The following NKAIN2 variants were observed in gnomAD, a reference collection of about 807,000 sequenced individuals.
The protein encoded by NKAIN2 is sodium/potassium transporting ATPase interacting 2.
A neutral mutation model predicts 32.6 loss-of-function variants in NKAIN2; 14 were observed. That is an observed-to-expected ratio of 0.43 (90% CI 0.28 to 0.67). The LOEUF (loss-of-function observed/expected upper bound fraction) is 0.67. NKAIN2 is among the 30% of genes least tolerant of loss of function. The pLI, the probability that NKAIN2 is intolerant of heterozygous loss-of-function variation, is 0.17. For missense variants in NKAIN2, 198 were observed against 258.3 expected, an observed-to-expected ratio of 0.77 and a Z score of 1.60; for synonymous variants, 80 against 87.2, an observed-to-expected ratio of 0.92 and a Z score of 0.46.
chr6:124,620,230 C>G (rs1439141723), intron 3 of NKAIN2, among the ~76,000 whole-genome samples: 1 of 152,104 alleles, frequency 6.6e-6, no homozygotes, highest in Non-Finnish European at 1.5e-5. Flanking sequence ...ACCATCTTTA[C>G]TCTTCAAATG....
intron 1 of NKAIN2, among the ~76,000 whole-genome samples, chr6:123,910,707 T>C (rs1002570273): frequency 6.6e-6 from 1 of 151,902 alleles, no homozygotes; most frequent in Admixed American, 6.6e-5. Context: ...GGTTTCATCA[T>C]GTTGGCCAGG....
chr6:124,188,031 G>A (rs568544948), intron 1 of NKAIN2, among the ~76,000 whole-genome samples: 8 of 152,118 alleles, frequency 5.3e-5, no homozygotes, highest in African/African-American at 1.4e-4. Flanking sequence ...TCTTTCCACC[G>A]TAGATCCAGT....
At chr6:124,276,555 C>G (rs1795042715) in intron 1 of NKAIN2, among the ~76,000 whole-genome samples, 2 of 151,978 alleles carry the variant, frequency 1.3e-5, no homozygotes, top group African/African-American at 4.8e-5. Context: ...TAGTATATCT[C>G]TTGCATATAA....
intron 3 of NKAIN2, among the ~76,000 whole-genome samples, chr6:124,522,062 G>C (rs990492822): frequency 1.3e-5 from 2 of 151,980 alleles, no homozygotes; most frequent in African/African-American, 4.8e-5. Flanking sequence ...TCTACTCTCT[G>C]TATTTCCCCC....
intron 2 of NKAIN2, among the ~76,000 whole-genome samples, chr6:124,296,277 T>G (rs1324612650): frequency 6.6e-6 from 1 of 152,122 alleles, no homozygotes; most frequent in Non-Finnish European, 1.5e-5. Flanking sequence ...TTGAGGTTTA[T>G]AAAGCAAGAA....
Position 123,947,977 on chromosome 6 carries a change from C to G in NKAIN2, c.54+143723C>G, listed in dbSNP as rs1343179942. ...TTATTGTCTACCTCCATGAAATCAA[C>G]TTTTTTTAGATTCCATATATGAGTG... On this transcript the variant is annotated intron_variant, in intron 1 of 6. Transcript: ENST00000368417. 2.0e-5 allele frequency among the ~76,000 whole-genome samples: 3 copies of G among 151,966 alleles called. No homozygotes were observed. The East Asian group carries it at 5.8e-4, about 29-fold the overall frequency.
chr6:123,947,087 G>C (rs1054994768), intron 1 of NKAIN2, among the ~76,000 whole-genome samples: 1 of 152,162 alleles, frequency 6.6e-6, no homozygotes, highest in Admixed American at 6.5e-5. Context: ...GTACTGTGGC[G>C]GTCACCTTTC....
chr6:124,644,302 A>G (rs1281973907), intron 3 of NKAIN2, among the ~76,000 whole-genome samples: 1 of 152,182 alleles, frequency 6.6e-6, no homozygotes, highest in African/African-American at 2.4e-5. Flanking sequence ...TTTAGATTTA[A>G]AAGTTTTATC....
chr6:124,194,138 C>T (rs1304105740), intron 1 of NKAIN2, among the ~76,000 whole-genome samples: 1 of 151,764 alleles, frequency 6.6e-6, no homozygotes, highest in Admixed American at 6.6e-5. Flanking sequence ...CCACAAGTTC[C>T]CACTCTGGTC....
intron 3 of NKAIN2, among the ~76,000 whole-genome samples, chr6:124,447,129 CTCTTTGACCACATAATCACTCA>C (rs1235353055): frequency 6.6e-6 from 1 of 152,034 alleles, no homozygotes; most frequent in Non-Finnish European, 1.5e-5. Context: ...AATGCCCTTC[CTCTTTGACCACATAATCACTCA>C]TGTTTGACGT....
chr6:123,838,786 G>A (rs1233454185), intron 1 of NKAIN2, among the ~76,000 whole-genome samples: 4 of 152,102 alleles, frequency 2.6e-5, no homozygotes, highest in Non-Finnish European at 5.9e-5. Context: ...CCATTTAAAC[G>A]TGCATTTGAA....
intron 1 of NKAIN2, among the ~76,000 whole-genome samples, chr6:124,039,900 A>G (rs530617029): frequency 6.6e-6 from 1 of 152,102 alleles, no homozygotes; most frequent in South Asian, 2.1e-4. Context: ...TACTTTAACA[A>G]GAATGCTTCT....
chr6:124,321,562 A>T (rs902077741), intron 2 of NKAIN2, among the ~76,000 whole-genome samples: 1 of 152,196 alleles, frequency 6.6e-6, no homozygotes, highest in Non-Finnish European at 1.5e-5. Context: ...TATTCCTAGT[A>T]TCATAATTTT....
At chr6:124,261,393 C>A (rs1374473824) in intron 1 of NKAIN2, among the ~76,000 whole-genome samples, 3 of 152,140 alleles carry the variant, frequency 2.0e-5, no homozygotes, top group Non-Finnish European at 4.4e-5. Context: ...TTTGAATTAT[C>A]AAGGAATTAA....
intron 6 of NKAIN2, among the ~76,000 whole-genome samples, chr6:124,821,751 T>C (rs1781402436): frequency 6.6e-6 from 1 of 152,244 alleles, no homozygotes; most frequent in African/African-American, 2.4e-5. Context: ...TAGGAAGTTA[T>C]GTATACTTAA....
intron 1 of NKAIN2, among the ~76,000 whole-genome samples, chr6:124,227,525 T>G (rs1021562474): frequency 1.3e-5 from 2 of 152,200 alleles, no homozygotes; most frequent in African/African-American, 4.8e-5. Flanking sequence ...CAAACACTCT[T>G]AAATTAAAGG....
intron 4 of NKAIN2, among the ~76,000 whole-genome samples, chr6:124,752,719 C>T (rs1416721359): frequency 6.6e-6 from 1 of 151,990 alleles, no homozygotes; most frequent in Non-Finnish European, 1.5e-5. Flanking sequence ...CTTCTATGCT[C>T]ATTATACAAA....
chr6:123,830,185 C>T (rs755435882), intron 1 of NKAIN2, among the ~76,000 whole-genome samples: 5 of 152,140 alleles, frequency 3.3e-5, no homozygotes, highest in African/African-American at 4.8e-5. Context: ...ACACTGCCAT[C>T]CTCCTTGCTT....
intron 1 of NKAIN2, among the ~76,000 whole-genome samples, chr6:123,818,152 T>C (rs1230203394): frequency 6.6e-6 from 1 of 152,180 alleles, no homozygotes; most frequent in Non-Finnish European, 1.5e-5. Flanking sequence ...TAAAAAGATT[T>C]AAGATAGGAA....
Sources: allele counts gnomAD v4.1 joint callset (sites outside exome capture counted in the v4.1 genomes callset), GRCh38; gene constraint gnomAD v4.1.1; transcripts MANE v1.5; gene names NCBI Gene and HGNC (gene_info 2026-07-23, HGNC 2026-07-21).